Variants in CLASP1 observed in about 807,000 individuals in gnomAD.
CLASP1 encodes the protein CLIP-associating protein 1.
In CLASP1, 38 loss-of-function variants were observed where a neutral mutation model predicts 192.3. The observed-to-expected ratio is 0.20, with a 90% CI of 0.15 to 0.26. The LOEUF is 0.26. CLASP1 is among the 10% of genes least tolerant of loss of function. The probability of loss-of-function intolerance (pLI) is 1.00; values close to 1 mark genes in which losing one functional copy is unlikely to be tolerated. For synonymous variants in CLASP1, 691 were observed against 712.8 expected, an observed-to-expected ratio of 0.97 and a Z score of 0.49; for missense variants, 1,433 against 1,932.5, an observed-to-expected ratio of 0.74 and a Z score of 4.85.
intron 1 of CLASP1, among the ~76,000 whole-genome samples, chr2:121,613,187 G>A (rs2065892776): frequency 1.3e-5 from 2 of 152,092 alleles, no homozygotes; most frequent in Admixed American, 1.3e-4. Context: ...TGAAAAAATG[G>A]TCCAACTCTT....
chr2:121,594,070 G>A (rs756036409), intron 2 of CLASP1, among the ~76,000 whole-genome samples: 2 of 152,148 alleles, frequency 1.3e-5, no homozygotes, highest in Non-Finnish European at 2.9e-5. Flanking sequence ...AGGCCGAGGC[G>A]GGTGGAGATC....
intron 12 of CLASP1, 63 bp downstream of exon 12, chr2:121,459,917 C>T (rs1483885289): frequency 8.9e-6 from 13 of 1,459,904 alleles, no homozygotes; most frequent in Non-Finnish European, 8.3e-6. Context: ...TTCAAGGAGA[C>T]ATCTCTGAAG....
chr2:121,645,435 G>T (rs1434105558), intron 1 of CLASP1, among the ~76,000 whole-genome samples: 1 of 152,180 alleles, frequency 6.6e-6, no homozygotes, highest in Non-Finnish European at 1.5e-5. Flanking sequence ...ACATAAGGAA[G>T]GATGCTGGAC....
chr2:121,574,319 C>A (rs1353948722), intron 2 of CLASP1, among the ~76,000 whole-genome samples: 1 of 141,494 alleles, frequency 7.1e-6, no homozygotes, highest in Non-Finnish European at 1.5e-5. Flanking sequence ...CAGAGCCAGA[C>A]TCCATCTCAA....
chr2:121,645,006 T>A (rs559540597), intron 1 of CLASP1, among the ~76,000 whole-genome samples: 1 of 148,126 alleles, frequency 6.8e-6, no homozygotes, highest in African/African-American at 2.5e-5. Context: ...GAAAGCATGG[T>A]GAGCCATATC....
At chr2:121,588,990 G>C (rs2062051686) in intron 2 of CLASP1, among the ~76,000 whole-genome samples, 1 of 152,194 alleles carries the variant, frequency 6.6e-6, no homozygotes, top group Non-Finnish European at 1.5e-5. Context: ...AAGCTGGGAA[G>C]AGAGAAACTC....
At chr2:121,419,970 AG>A (rs1169680724) in intron 22 of CLASP1, among the ~76,000 whole-genome samples, 4 of 152,210 alleles carry the variant, frequency 2.6e-5, no homozygotes, top group Non-Finnish European at 5.9e-5. Flanking sequence ...AAGTATAACA[AG>A]AATGTCTTAT....
intron 19 of CLASP1, among the ~76,000 whole-genome samples, chr2:121,440,231 C>T (rs567443725): frequency 1.3e-5 from 2 of 152,044 alleles, no homozygotes; most frequent in East Asian, 3.9e-4. Flanking sequence ...GCTTAAAGGG[C>T]CTCTGTTGTG....
At chr2:121,524,249 A>C (rs1236999010) in intron 6 of CLASP1, among the ~76,000 whole-genome samples, 3 of 152,334 alleles carry the variant, frequency 2.0e-5, no homozygotes, top group East Asian at 1.9e-4. Flanking sequence ...CGAAACCCCC[A>C]GAGTGCGGCC....
chr2:121,619,804 AT>A (rs2067029864), intron 1 of CLASP1, among the ~76,000 whole-genome samples: 1 of 152,062 alleles, frequency 6.6e-6, no homozygotes, highest in South Asian at 2.1e-4. Context: ...AATTGCTTCT[AT>A]TTTTTTCTAC....
intron 28 of CLASP1, 144 bp downstream of exon 29, chr2:121,401,365 A>G (rs541981621): frequency 6.6e-6 from 4 of 607,554 alleles, no homozygotes; most frequent in East Asian, 5.2e-5. Flanking sequence ...CATGTCAACA[A>G]GTATGTCAAC....
At chr2:121,637,463 G>C (rs1225797834) in intron 1 of CLASP1, among the ~76,000 whole-genome samples, 1 of 152,088 alleles carries the variant, frequency 6.6e-6, no homozygotes, top group African/African-American at 2.4e-5. Context: ...TTAACTCAAA[G>C]TGGATCAAGG....
intron 23 of CLASP1, among the ~76,000 whole-genome samples, chr2:121,415,006 C>T (rs2078325960): frequency 1.3e-5 from 2 of 152,212 alleles, no homozygotes; most frequent in Non-Finnish European, 2.9e-5. Flanking sequence ...TCTCAAACTT[C>T]TGGGCTCAAG....
chr2:121,616,175 G>A (rs1336336637), intron 1 of CLASP1, among the ~76,000 whole-genome samples: 3 of 152,036 alleles, frequency 2.0e-5, no homozygotes, highest in African/African-American at 7.2e-5. Context: ...GGCCAGGTGC[G>A]GTCGCTCACG....
intron 9 of CLASP1, among the ~76,000 whole-genome samples, chr2:121,463,320 T>C (rs1374770026): frequency 6.6e-6 from 1 of 152,200 alleles, no homozygotes; most frequent in Non-Finnish European, 1.5e-5. Flanking sequence ...TGGATTAGTC[T>C]GATTGCTTTT....
At chr2:121,435,970 T>A (rs897470401) in intron 19 of CLASP1, among the ~76,000 whole-genome samples, 1 of 152,210 alleles carries the variant, frequency 6.6e-6, no homozygotes, top group Non-Finnish European at 1.5e-5. Flanking sequence ...AATCTTTGGC[T>A]TTCCTTTGTA....
intron 1 of CLASP1, among the ~76,000 whole-genome samples, chr2:121,632,386 T>C (rs1219433034): frequency 6.6e-6 from 1 of 152,220 alleles, no homozygotes; most frequent in African/African-American, 2.4e-5. Context: ...TATTCATATA[T>C]GTGCAAAAAT....
At chr2:121,383,815 C>T (rs912073317) in intron 32 of CLASP1, among the ~76,000 whole-genome samples, 7 of 151,548 alleles carry the variant, frequency 4.6e-5, no homozygotes, top group Non-Finnish European at 8.8e-5. Context: ...ATTTATAGCA[C>T]ATAGATCTCT....
chr2:121,515,148 T>A (rs769513243), intron 7 of CLASP1, among the ~76,000 whole-genome samples: 1 of 152,248 alleles, frequency 6.6e-6, no homozygotes, highest in Non-Finnish European at 1.5e-5. Flanking sequence ...TGGACTCCAA[T>A]TGTCTTGGGT....
Sources: allele counts gnomAD v4.1 joint callset (sites outside exome capture counted in the v4.1 genomes callset), GRCh38; gene constraint gnomAD v4.1.1; transcripts MANE v1.5; gene names NCBI Gene and HGNC (gene_info 2026-07-23, HGNC 2026-07-21).